The following KAZN variants were observed in gnomAD, a reference collection of about 807,000 sequenced individuals.
The protein encoded by KAZN is kazrin.
In KAZN, 40 loss-of-function variants were observed where a neutral mutation model predicts 87.4. That is an observed-to-expected ratio of 0.46 (90% confidence interval 0.36 to 0.60). The LOEUF is 0.60. Among genes scored for constraint, KAZN ranks in the 20% least tolerant of loss-of-function variants. The pLI, the probability that KAZN is intolerant of heterozygous loss-of-function variation, is 0.00. For synonymous variants in KAZN, 466 were observed against 458.3 expected (o/e 1.02, Z -0.22); for missense variants, 898 against 1,073.9 (o/e 0.84, Z 2.29).
chr1:15,043,164 C>T (rs1463427654), intron 3 of KAZN, among the ~76,000 whole-genome samples: 2 of 152,212 alleles, frequency 1.3e-5, no homozygotes, highest in East Asian at 3.9e-4. Flanking sequence ...CTGTTTCTCT[C>T]ACAGGCTGTG....
chr1:14,088,838 T>G (rs1173765040), intron 1 of KAZN, among the ~76,000 whole-genome samples: 1 of 146,312 alleles, frequency 6.8e-6, no homozygotes, highest in Non-Finnish European at 1.6e-5. Context: ...CATTTAGCAT[T>G]TTTTTTTGCT....
chr1:14,308,729 A>G (rs115480335), intron 2 of KAZN, among the ~76,000 whole-genome samples: 5 of 152,122 alleles, frequency 3.3e-5, no homozygotes, highest in African/African-American at 1.2e-4. Flanking sequence ...ATTTTCTGAG[A>G]CCTGAATGAA....
Position 14,860,120 on chromosome 1 carries a change from C to CCTTCCTTCCT in KAZN, c.227-100564_227-100563insCTTCCTTCCT, listed in dbSNP as rs1557563338. 7.3e-5 allele frequency among the ~76,000 whole-genome samples: 11 copies of CCTTCCTTCCT among 151,676 alleles called. No individual in the cohort carries two copies. In the East Asian group the frequency reaches 1.4e-3, roughly 19 times the overall value. On this transcript the variant is annotated intron_variant, in intron 1 of 14. Coordinates refer to ENST00000376030, the MANE Select transcript of KAZN (RefSeq NM_201628.3). Reference sequence around the variant, plus strand: ...AGGAATAGGCCTTTTTCCTTCCTTCCTTCTTCCTTCCTTCCTTTCTTCCTT... The same window carrying CCTTCCTTCCT: ...AGGAATAGGCCTTTTTCCTTCCTTCCCTTCCTTCCTTTCTTCCTTCCTTCCTTTCTTCCTT...
intron 2 of KAZN, among the ~76,000 whole-genome samples, chr1:14,265,457 G>A (rs1053560706): frequency 6.6e-6 from 1 of 152,208 alleles, no homozygotes; most frequent in Non-Finnish European, 1.5e-5. Flanking sequence ...TGGCTGCATG[G>A]TGAAATACGC....
At chr1:14,313,578 T>C (rs1655453377) in intron 2 of KAZN, among the ~76,000 whole-genome samples, 2 of 152,170 alleles carry the variant, frequency 1.3e-5, no homozygotes, top group African/African-American at 4.8e-5. Flanking sequence ...CTAAATTCGA[T>C]GGAATATCTT....
rs138005493 is a variant in KAZN at position 14,300,286 on chromosome 1, G to A, written c.249+119694G>A. Among the ~76,000 whole-genome samples, 526 of 151,876 alleles carry A rather than the reference G, an allele frequency of 3.5e-3. 2 individuals carry two copies. Among genetic ancestry groups the A allele is most frequent in the African/African-American group, 0.012 (482 of 41,422 alleles). ...TTTATTTATTTTTTTTTAAGACAGAGTCTTACATAATTACGGCTCACTGCA... is the reference window on the plus strand; with the variant it reads ...TTTATTTATTTTTTTTTAAGACAGAATCTTACATAATTACGGCTCACTGCA... On this transcript the variant is annotated intron_variant, in intron 2 of 16. Coordinates refer to the KAZN transcript ENST00000636203.
At chr1:14,788,397 T>C (rs2100677400) in intron 1 of KAZN, among the ~76,000 whole-genome samples, 1 of 152,260 alleles carries the variant, frequency 6.6e-6, no homozygotes, top group East Asian at 1.9e-4. Context: ...TCAAATGAAT[T>C]GTGATTAACC....
intron 1 of KAZN, among the ~76,000 whole-genome samples, chr1:14,918,708 ATATATATATATATATATATAT>A (rs377669466): frequency 2.9e-4 from 1 of 3,508 alleles, no homozygotes; most frequent in African/African-American, 9.6e-4. Flanking sequence ...AAAAAAAAAA[ATATATATATATATATATATAT>A]ATATATATAT....
At chr1:13,993,264 C>T (rs989046940) in intron 1 of KAZN, among the ~76,000 whole-genome samples, 1 of 152,092 alleles carries the variant, frequency 6.6e-6, no homozygotes, top group African/African-American at 2.4e-5. Context: ...ACCTGGGTTA[C>T]ACATGTGGCA....
At chr1:14,768,360 C>G (rs753046877) in intron 1 of KAZN, among the ~76,000 whole-genome samples, 39 of 152,186 alleles carry the variant, frequency 2.6e-4, no homozygotes, top group Non-Finnish European at 2.9e-5. Context: ...AGTTTTGTAA[C>G]AACTCTGTGA....
At chr1:14,209,223 A>G (rs987649307) in intron 2 of KAZN, among the ~76,000 whole-genome samples, 10 of 152,230 alleles carry the variant, frequency 6.6e-5, no homozygotes, top group Non-Finnish European at 1.5e-4. Context: ...GAATACCTCA[A>G]GATTTTTCTA....
chr1:14,464,081 G>C (rs968867856), intron 2 of KAZN, among the ~76,000 whole-genome samples: 1 of 152,238 alleles, frequency 6.6e-6, no homozygotes, highest in Non-Finnish European at 1.5e-5. Context: ...TCCTGAGCCA[G>C]GAGGCAAAGA....
intron 1 of KAZN, among the ~76,000 whole-genome samples, chr1:14,959,211 G>A (rs1663542854): frequency 6.6e-6 from 1 of 152,212 alleles, no homozygotes; most frequent in Non-Finnish European, 1.5e-5. Context: ...TTGAGTTTGG[G>A]AAAGAGACAG....
rs548616911 is a variant in KAZN at position 14,993,726 on chromosome 1, G to A, written c.418+32851G>A. Among the ~76,000 whole-genome samples the A allele has an allele frequency of 5.3e-5, 8 of 152,288 alleles. No individual in the cohort carries two copies. In the South Asian group the frequency reaches 8.3e-4, roughly 16 times the overall value. ...TGGGCACTTCTGAGCCCAGGACTTC[G>A]CCCATCCTGGGTGCTCTTGATGTGT... is the stretch of plus-strand genomic sequence containing the variant. On this transcript the variant is annotated intron_variant, in intron 2 of 14. Coordinates refer to ENST00000376030, the MANE Select transcript of KAZN (RefSeq NM_201628.3).
intron 2 of KAZN, among the ~76,000 whole-genome samples, chr1:14,400,902 G>T (rs1348777797): frequency 6.6e-6 from 1 of 152,168 alleles, no homozygotes; most frequent in Admixed American, 6.5e-5. Context: ...TATGTGCATG[G>T]GTGTGTTTGA....
At chr1:15,063,527 C>T in intron 6 of KAZN, 45 bp from the exon 7 acceptor site, 1 of 1,567,238 alleles carries the variant, frequency 6.4e-7, no homozygotes, top group South Asian at 1.1e-5. Flanking sequence ...TCTCCTGTGT[C>T]ACCTGTCTCT....
At chr1:14,160,879 G>T (rs767561371) in intron 1 of KAZN, among the ~76,000 whole-genome samples, 15 of 152,182 alleles carry the variant, frequency 9.9e-5, no homozygotes, top group South Asian at 4.1e-4. Context: ...CAAGGAAAAG[G>T]TTACATCTTT....
At chr1:14,294,071 T>C (rs1653932088) in intron 2 of KAZN, among the ~76,000 whole-genome samples, 1 of 152,160 alleles carries the variant, frequency 6.6e-6, no homozygotes, top group African/African-American at 2.4e-5. Context: ...TTTATCCCCA[T>C]TTACAGATGA....
At chr1:14,415,272 G>A (rs1177639049) in intron 2 of KAZN, among the ~76,000 whole-genome samples, 1 of 152,166 alleles carries the variant, frequency 6.6e-6, no homozygotes, top group African/African-American at 2.4e-5. Flanking sequence ...TCCAGAGGCT[G>A]TAGTATTAAT....
Sources: gnomAD v4.1 joint callset for allele counts (sites outside exome capture counted in the v4.1 genomes callset) on GRCh38, gnomAD v4.1.1 for gene constraint, MANE v1.5 for transcripts, NCBI Gene and HGNC (gene_info 2026-07-23, HGNC 2026-07-21) for gene names.